MEIG1: variants seen among roughly 807,000 people sequenced by gnomAD.
The protein encoded by MEIG1 is meiosis/spermiogenesis associated 1, also known as meiosis expressed gene 1 protein homolog.
Under a neutral mutation model 11.3 loss-of-function variants are expected in MEIG1, and 12 were observed. The observed-to-expected ratio is 1.07, with a 90% CI of 0.68 to 1.73. MEIG1 has a LOEUF of 1.73. Ranked by LOEUF, MEIG1 falls within the 40% of genes most tolerant of loss-of-function variation. The pLI is 0.00. For missense variants in MEIG1, 119 were observed against 104.9 expected, an observed-to-expected ratio of 1.13 and a Z score of -0.59; for synonymous variants, 41 against 33.2, an observed-to-expected ratio of 1.24 and a Z score of -0.81.
At chr10:14,964,923 G>C (rs1247643619) in intron 1 of MEIG1, among the ~76,000 whole-genome samples, 1 of 151,946 alleles carries the variant, frequency 6.6e-6, no homozygotes, top group Non-Finnish European at 1.5e-5. Flanking sequence ...AAGTAGTTGG[G>C]ATTACAGGCA....
chr10:14,968,958 A>G (rs1843119200), intron 2 of MEIG1, among the ~76,000 whole-genome samples: 1 of 151,578 alleles, frequency 6.6e-6, no homozygotes, highest in African/African-American at 2.4e-5. Context: ...CATGCCTGTA[A>G]TCCTAGCTAT....
At chr10:14,979,032 CT>C (rs1312100789) in intron 1 of MEIG1, among the ~76,000 whole-genome samples, 2 of 151,902 alleles carry the variant, frequency 1.3e-5, no homozygotes, top group Non-Finnish European at 2.9e-5. Flanking sequence ...TCGTAATATC[CT>C]GGTGGGATGT....
chr10:14,987,629 C>A, intron 2 of MEIG1: 1 of 498,130 alleles, frequency 2.0e-6, no homozygotes, highest in Non-Finnish European at 3.7e-6. Flanking sequence ...TACTTTTTAG[C>A]TATACGAGGC....
At chr10:14,959,688 A>C (rs1039798916) in intron 1 of MEIG1, 131 bp downstream of exon 1, 10 of 152,204 alleles carry the variant, frequency 6.6e-5, no homozygotes, top group African/African-American at 2.2e-4. Context: ...GAGGTTTGCC[A>C]GGGAGATCCC....
At chr10:14,965,858 C>G (rs1465566777) in intron 1 of MEIG1, among the ~76,000 whole-genome samples, 1 of 152,108 alleles carries the variant, frequency 6.6e-6, no homozygotes, top group Non-Finnish European at 1.5e-5. Context: ...AACTCCAACT[C>G]TGACTGGGAT....
At chr10:14,979,348 C>A (rs1843241599) in intron 1 of MEIG1, among the ~76,000 whole-genome samples, 1 of 151,756 alleles carries the variant, frequency 6.6e-6, no homozygotes, top group African/African-American at 2.4e-5. Flanking sequence ...AGGTGTACAC[C>A]CTGTGATATT....
upstream of MEIG1, among the ~76,000 whole-genome samples, chr10:14,959,101 A>G (rs957707842): frequency 2.0e-5 from 3 of 152,198 alleles, no homozygotes; most frequent in African/African-American, 7.2e-5. Flanking sequence ...GATAGGAGAT[A>G]TCTACTATCA....
upstream of MEIG1, chr10:14,954,491 C>A (rs1257721462): frequency 3.8e-6 from 1 of 259,964 alleles, no homozygotes; most frequent in South Asian, 4.3e-5. Context: ...CCTCTCTCTT[C>A]TGTTCCCAAT....
intron 1 of MEIG1, 71 bp from the exon 2 acceptor site, chr10:14,966,369 T>C: frequency 8.5e-7 from 1 of 1,172,078 alleles, no homozygotes; most frequent in Non-Finnish European, 1.2e-6. Context: ...GCCAGTTTTG[T>C]TTATTCTTAA....
In MEIG1 at chr10:14,972,627, A is replaced by G; in HGVS notation, c.253A>G (p.Ile85Val). 6.2e-7 allele frequency: 1 copy of G among 1,611,134 alleles called. No individual in the cohort carries two copies. Among genetic ancestry groups the G allele is most frequent in the Non-Finnish European group, 8.5e-7 (1 of 1,178,630 alleles). The change falls in exon 3 of 3, where the codon ATT (isoleucine) becomes GTT (valine). Residue 85 changes from isoleucine to valine, a missense_variant. Ile to Val is a conservative substitution (Grantham distance 29). Coordinates refer to ENST00000407572, the MANE Select transcript of MEIG1 (RefSeq NM_001080836.3). ...TGACAAAGAAGTCCACAAAGTGAAA[A>G]TTTATGCTTACTAGCCTGTCTTCTT... The part of the protein sequence containing the change: ...CDDKEVHKVK[I>V]YAY
chr10:14,976,024 A>G (rs1843205863), downstream of MEIG1, among the ~76,000 whole-genome samples: 1 of 152,134 alleles, frequency 6.6e-6, no homozygotes, highest in African/African-American at 2.4e-5. Context: ...CGCTGTGACC[A>G]CCGTGGATCC....
upstream of MEIG1, among the ~76,000 whole-genome samples, chr10:14,956,300 C>T (rs1278120050): frequency 1.3e-5 from 2 of 152,138 alleles, no homozygotes; most frequent in African/African-American, 4.8e-5. Context: ...ACATTCAGGG[C>T]CAGTGTGGTG....
intron 2 of MEIG1, chr10:14,970,410 G>A (rs1843135475): frequency 6.6e-6 from 1 of 152,224 alleles, no homozygotes; most frequent in Non-Finnish European, 1.5e-5. Flanking sequence ...AAGTAGCTCA[G>A]CTCCAGATGT....
chr10:14,972,697 T>C lies in MEIG1; in HGVS notation c.*56T>C. On this transcript the variant is annotated 3_prime_UTR_variant, in exon 3 of 3. Transcript: ENST00000407572. The stretch of plus-strand genomic sequence containing the variant: ...ATTTTAAGTATTCATCATTTCCTTC[T>C]ACATCATGTGTTTGTCATTTGATGA... The C allele has an allele frequency of 6.9e-7, 1 of 1,443,968 alleles. No individual in the cohort carries two copies. The highest frequency in any genetic ancestry group is 9.3e-7 in the Non-Finnish European group (1 of 1,075,986). 89.4% of individuals were successfully genotyped at this position (1,443,968 alleles called of 1,614,324 possible).
At chr10:14,981,279 G>A in intron 1 of MEIG1, among the ~76,000 whole-genome samples, 1 of 151,388 alleles carries the variant, frequency 6.6e-6, no homozygotes, top group South Asian at 2.1e-4. Context: ...CCTCTCGGGG[G>A]ACTGTAAGGG....
chr10:14,973,116 T>G (rs1376326316), downstream of MEIG1, among the ~76,000 whole-genome samples: 8 of 152,160 alleles, frequency 5.3e-5, no homozygotes, highest in Non-Finnish European at 1.0e-4. Context: ...TCTGCCCGCC[T>G]CAGCCTCCCA....
At chr10:14,962,926 G>T (rs1207969421) in intron 1 of MEIG1, among the ~76,000 whole-genome samples, 1 of 151,636 alleles carries the variant, frequency 6.6e-6, no homozygotes, top group African/African-American at 2.4e-5. Flanking sequence ...ACCATGCCTG[G>T]CTAATTTTTA....
At chr10:14,967,087 G>C (rs974988851) in intron 2 of MEIG1, among the ~76,000 whole-genome samples, 8 of 152,086 alleles carry the variant, frequency 5.3e-5, no homozygotes, top group Non-Finnish European at 1.2e-4. Flanking sequence ...TTTGCAGGCA[G>C]AGTGGGAGAA....
chr10:14,981,240 T>C (rs552577216), intron 1 of MEIG1, among the ~76,000 whole-genome samples: 14,396 of 140,774 alleles, frequency 0.1, 1,370 homozygotes, highest in African/African-American at 0.26. Flanking sequence ...TCTCTTGGCC[T>C]GGCTCAGTTC....
Sources: allele counts gnomAD v4.1 joint callset (sites outside exome capture counted in the v4.1 genomes callset), GRCh38; gene constraint gnomAD v4.1.1; transcripts MANE v1.5; gene names NCBI Gene and HGNC (gene_info 2026-07-23, HGNC 2026-07-21).